The following TEAD4 variants were observed in gnomAD, a reference collection of about 807,000 sequenced individuals.
The protein encoded by TEAD4 is TEA domain transcription factor 4.
A neutral mutation model predicts 52.4 loss-of-function variants in TEAD4; 36 were observed. The ratio of observed to expected loss-of-function variants is 0.69; its 90% CI spans 0.53 to 0.91. The LOEUF (loss-of-function observed/expected upper bound fraction) is 0.91. Ranked by LOEUF, TEAD4 falls within the 40% of genes least tolerant of loss-of-function variation. The pLI is 0.00. For synonymous variants in TEAD4, 220 were observed against 231.0 expected, an observed-to-expected ratio of 0.95 and a Z score of 0.43; for missense variants, 508 against 583.9, an observed-to-expected ratio of 0.87 and a Z score of 1.34.
intron 10 of TEAD4, among the ~76,000 whole-genome samples, chr12:3,037,434 C>T (rs1189346992): frequency 6.6e-6 from 1 of 152,152 alleles, no homozygotes; most frequent in African/African-American, 2.4e-5. Context: ...GAGGGAGCAT[C>T]GATCAGGTCT....
intron 3 of TEAD4, among the ~76,000 whole-genome samples, chr12:3,009,740 CACAG>C (rs1483180399): frequency 6.6e-6 from 1 of 152,242 alleles, no homozygotes; most frequent in Non-Finnish European, 1.5e-5. Context: ...CAGATCAGAC[CACAG>C]ACAGTGTCCC....
At chr12:2,960,974 C>T (rs563483545) in intron 2 of TEAD4, among the ~76,000 whole-genome samples, 2 of 152,142 alleles carry the variant, frequency 1.3e-5, no homozygotes, top group East Asian at 3.9e-4. Context: ...CTCTTGGAGC[C>T]AGGAGGCTGA....
intron 2 of TEAD4, among the ~76,000 whole-genome samples, chr12:2,983,264 T>C (rs1336253975): frequency 6.6e-6 from 1 of 152,150 alleles, no homozygotes; most frequent in Non-Finnish European, 1.5e-5. Flanking sequence ...AAGAAATAGC[T>C]CTTATGAGCA....
intron 10 of TEAD4, among the ~76,000 whole-genome samples, chr12:3,032,318 C>T (rs964069074): frequency 1.3e-5 from 2 of 152,130 alleles, no homozygotes; most frequent in Non-Finnish European, 2.9e-5. Context: ...GTGCTCCAGC[C>T]GTGTGCTGTA....
intron 10 of TEAD4, among the ~76,000 whole-genome samples, chr12:3,023,203 C>T (rs1452603634): frequency 1.3e-5 from 2 of 152,068 alleles, no homozygotes; most frequent in Admixed American, 6.6e-5. Flanking sequence ...GGGATGGGCA[C>T]ATCTATTGGC....
At chr12:3,039,335 G>T (rs558528979) in intron 11 of TEAD4, among the ~76,000 whole-genome samples, 6 of 152,210 alleles carry the variant, frequency 3.9e-5, no homozygotes, top group African/African-American at 1.4e-4. Context: ...TCCCATGTGC[G>T]CTTTACCCAG....
rs71057876 is a variant in TEAD4 at position 2,990,461 on chromosome 12, CTTTTTTTTTTTTTT to C, written c.-29-4263_-29-4250del. ...TAGAATTTAGGCTAAGACAGATAAT[CTTTTTTTTTTTTTT>C]TTTTTTTTTTTTTGAGATGGAGTCT... On this transcript the variant is annotated intron_variant, in intron 2 of 12. Coordinates refer to ENST00000359864, the MANE Select transcript of TEAD4 (RefSeq NM_003213.4). Among the ~76,000 whole-genome samples, 7 of 67,000 alleles carry C rather than the reference CTTTTTTTTTTTTTT, an allele frequency of 1.0e-4. 1 individual carries two copies. The highest frequency in any genetic ancestry group is 6.7e-4 in the South Asian group (1 of 1,502). The allele number at this position is 67,000 out of a possible 152,430, so 44.0% of individuals were successfully genotyped here. A position where few individuals can be genotyped will look rare whatever the true frequency, so the allele number is the denominator to read the frequency against.
rs1207816525 is a variant in TEAD4, at chr12:3,017,490, C to T, written c.447C>T (p.Ala149=). The T allele has an allele frequency of 2.5e-6, 4 of 1,614,112 alleles. No homozygotes were observed. Among genetic ancestry groups the T allele is most frequent in the Non-Finnish European group, 2.5e-6 (3 of 1,180,036 alleles). The stretch of plus-strand genomic sequence containing the variant: ...CCACGGCCTTCCACAGTAGCATGGC[C>T]CTCGCCCGGGGCCCCGGCCGCCCAG... Residue 149 remains alanine (A), a synonymous_variant, in exon 6 of 13, where the codon GCC becomes GCT. Transcript: ENST00000359864.
chr12:2,992,414 AT>A (rs1289817463), intron 2 of TEAD4, among the ~76,000 whole-genome samples: 3 of 151,862 alleles, frequency 2.0e-5, no homozygotes, highest in African/African-American at 7.3e-5. Context: ...TCCTCCTGGG[AT>A]GTGCCTCCCA....
intron 2 of TEAD4, among the ~76,000 whole-genome samples, chr12:2,966,738 G>T (rs190550945): frequency 6.7e-6 from 1 of 148,746 alleles, no homozygotes; most frequent in Admixed American, 6.8e-5. Flanking sequence ...ATGGAGTCTC[G>T]CCCTATTGCC....
chr12:2,992,314 C>T (rs182820130), intron 2 of TEAD4, among the ~76,000 whole-genome samples: 5 of 152,172 alleles, frequency 3.3e-5, no homozygotes, highest in African/African-American at 7.2e-5. Flanking sequence ...CCACTGCGCC[C>T]GGCTGGTTCC....
intron 2 of TEAD4, among the ~76,000 whole-genome samples, chr12:2,961,945 C>T (rs1335232259): frequency 2.6e-5 from 4 of 151,912 alleles, no homozygotes; most frequent in East Asian, 3.9e-4. Flanking sequence ...TCCTAGTGGC[C>T]CAGGTCAGGA....
chr12:2,973,908 A>C (rs975487835), intron 2 of TEAD4, among the ~76,000 whole-genome samples: 1 of 152,172 alleles, frequency 6.6e-6, no homozygotes, highest in Admixed American at 6.5e-5. Flanking sequence ...TGGCTGGTGC[A>C]AGACAGAATC....
intron 4 of TEAD4, among the ~76,000 whole-genome samples, chr12:3,011,727 G>A (rs987839301): frequency 2.6e-5 from 4 of 152,192 alleles, no homozygotes; most frequent in East Asian, 1.9e-4. Context: ...GTGCAGTGGC[G>A]CAATCTCAAC....
At chr12:3,037,183 C>T (rs1008728459) in intron 10 of TEAD4, among the ~76,000 whole-genome samples, 3 of 152,188 alleles carry the variant, frequency 2.0e-5, no homozygotes, top group Non-Finnish European at 4.4e-5. Context: ...CTGTGAAGGG[C>T]CTTGTGAGCC....
intron 3 of TEAD4, among the ~76,000 whole-genome samples, chr12:3,006,291 A>G (rs1046049824): frequency 3.9e-5 from 6 of 152,200 alleles, no homozygotes; most frequent in African/African-American, 1.4e-4. Context: ...TCAGCTGGCA[A>G]GTATATAGTG....
Position 2,959,597 on chromosome 12 carries a change from C to A in TEAD4, c.-123+116C>A. ...CGGCTGCTCTTTTCTTTCCGCCGCC[C>A]GCGTTCCCGCCTTGGACCTCTGCGC... is the stretch of plus-strand genomic sequence containing the variant. On this transcript the variant is annotated intron_variant, in intron 1 of 12. Coordinates refer to ENST00000359864, the MANE Select transcript of TEAD4 (RefSeq NM_003213.4). The surrounding 1 kb of genome is among the most constrained non-coding windows in gnomAD (Gnocchi z 5.1). 6.6e-6 allele frequency: 1 copy of A among 150,996 alleles called. No homozygotes were observed. Among genetic ancestry groups the A allele is most frequent in the South Asian group, 2.0e-4 (1 of 5,110 alleles). 9.4% of individuals were successfully genotyped at this position (150,996 alleles called of 1,614,324 possible).
intron 3 of TEAD4, among the ~76,000 whole-genome samples, chr12:3,000,533 T>C (rs1337799464): frequency 6.6e-6 from 1 of 152,128 alleles, no homozygotes; most frequent in African/African-American, 2.4e-5. Context: ...CTGCGTGGAT[T>C]AATCCATCGT....
chr12:3,030,114 C>T (rs1467213193), intron 10 of TEAD4, among the ~76,000 whole-genome samples: 1 of 152,164 alleles, frequency 6.6e-6, no homozygotes, highest in East Asian at 1.9e-4. Context: ...GCCCTGTGTC[C>T]CTGAGACCTG....
Sources: allele counts gnomAD v4.1 joint callset (sites outside exome capture counted in the v4.1 genomes callset), GRCh38; gene constraint gnomAD v4.1.1; non-coding constraint Gnocchi (gnomAD v3.1); transcripts MANE v1.5; gene names NCBI Gene and HGNC (gene_info 2026-07-23, HGNC 2026-07-21).